The following HELZ2 variants were observed in gnomAD, a reference collection of about 807,000 sequenced individuals.
HELZ2 encodes helicase with zinc finger 2, also known as 3'-5' exoribonuclease HELZ2.
A neutral mutation model predicts 208.8 loss-of-function variants in HELZ2; 143 were observed. The ratio of observed to expected loss-of-function variants is 0.68; its 90% CI spans 0.60 to 0.79. The LOEUF (loss-of-function observed/expected upper bound fraction) is 0.79, where lower values mean the gene tolerates loss of function less well. Among genes scored for constraint, HELZ2 ranks in the 30% least tolerant of loss-of-function variants. The pLI, the probability that HELZ2 is intolerant of heterozygous loss-of-function variation, is 0.00. For synonymous variants in HELZ2, 1,705 were observed against 1,693.7 expected (o/e 1.01, Z -0.16); for missense variants, 3,690 against 3,794.5 (o/e 0.97, Z 0.72).
exon 17 of HELZ2, chr20:63,560,191 G>A (rs1351649532): frequency 1.9e-6 from 3 of 1,555,894 alleles, no homozygotes; most frequent in South Asian, 1.2e-5. Context: ...GGTGATGGAG[G>A]ACACGGCCAC....
upstream of HELZ2, chr20:63,572,566 G>A (rs1384838822): frequency 1.1e-5 from 7 of 635,536 alleles, no homozygotes; most frequent in East Asian, 2.9e-5. Flanking sequence ...GGCAGGCTCC[G>A]TGCTCAGGGC....
At chr20:63,558,705 A>G (rs1286661609), downstream of HELZ2, 1 of 151,942 alleles carries the variant, frequency 6.6e-6, no homozygotes, top group Non-Finnish European at 1.5e-5. Flanking sequence ...CGCCCAGCTA[A>G]TTTTGTATTT....
At chr20:63,559,104 C>T (rs1302434822), downstream of HELZ2, 6 of 935,354 alleles carry the variant, frequency 6.4e-6, no homozygotes, top group African/African-American at 3.4e-5. Context: ...CCTCCAAGTC[C>T]ACCCACTTCC....
exon 8 of HELZ2, chr20:63,562,873 C>A (rs1569030144): frequency 6.2e-7 from 1 of 1,606,026 alleles, no homozygotes; most frequent in Admixed American, 1.7e-5. Context: ...AGGCGCCCTG[C>A]AGCTGCCCCT....
chr20:63,562,964 G>A lies in HELZ2; in HGVS notation c.5858C>T (p.Ser1953Leu), dbSNP rs370334192. 61 of 1,591,408 alleles carry A rather than the reference G, an allele frequency of 3.8e-5. No homozygotes were observed. The East Asian group carries it at 4.6e-4, about 12-fold the overall frequency. ...ATTCTCGGCAACCGCGCCGGTGGCC[G>A]ACTCCAGGGCGCAGAATGGTTCCCA... The change falls in exon 8 of 19, where the codon TCG becomes TTG. Residue 1953 changes from serine to leucine, a missense_variant. Physicochemically the swap from Ser to Leu is moderately radical, Grantham distance 145. Transcript: ENST00000467148.
rs1277421278 is a variant in HELZ2 at position 63,561,915 on chromosome 20, T to G, written c.6599A>C (p.Gln2200Pro). The change falls in exon 11 of 19, where the codon CAG becomes CCG. Residue 2200 changes from glutamine (Q) to proline (P), a missense_variant. Around this residue, in one of 3 missense-constraint regions of HELZ2, gnomAD observed 2,564 missense variants for 2,580.5 expected, o/e 0.99. Transcript: ENST00000467148. ...CTCCCCACGGGGGGGGCCTCCGGGC[T>G]GCACCTGCTCCTGGTTTGATTTATG... 1.9e-6 allele frequency: 3 copies of G among 1,592,490 alleles called. No individual in the cohort carries two copies. The East Asian group carries it at 6.8e-5, about 36-fold the overall frequency.
Position 63,564,357 on chromosome 20 carries a change from C to T in HELZ2, c.4465G>A (p.Ala1489Thr), listed in dbSNP as rs187627701. Residue 1489 changes from alanine to threonine, a missense_variant, in exon 8 of 19, where the codon GCG becomes ACG. Around this residue, in one of 3 missense-constraint regions of HELZ2, gnomAD observed 2,564 missense variants for 2,580.5 expected, o/e 0.99. Transcript: ENST00000467148. ...CGCAGCAGCCGAGAGAAGTAGCACG[C>T]GGCCACGACGCAGGCGTCCACGGAG... 2,427 of 1,563,904 alleles carry T rather than the reference C, an allele frequency of 1.6e-3. 5 individuals carry two copies. The highest frequency in any genetic ancestry group is 1.9e-3 in the Non-Finnish European group (2,226 of 1,156,520).
At chr20:63,563,810 G>A in exon 8 of HELZ2, 1 of 1,601,180 alleles carries the variant, frequency 6.2e-7, no homozygotes, top group South Asian at 1.1e-5. Context: ...GGGCGAGGTG[G>A]CCCACGTGTA....
chr20:63,561,871 A>T, exon 11 of HELZ2: 1 of 1,571,290 alleles, frequency 6.4e-7, no homozygotes, highest in Admixed American at 1.9e-5. Context: ...TACAAGATGC[A>T]GGGACCCCCC....
At position 63,565,998 on chromosome 20, in the gene HELZ2, A is replaced by C. The variant is rs951229092; in HGVS notation, c.2824T>G (p.Cys942Gly). The C allele has an allele frequency of 1.9e-6, 3 of 1,598,182 alleles. No individual in the cohort carries two copies. The highest frequency in any genetic ancestry group is 1.3e-5 in the African/African-American group (1 of 74,862). The change falls in exon 8 of 19, where the codon TGC (cysteine) becomes GGC (glycine). Residue 942 changes from cysteine (C) to glycine (G), a missense_variant. By Grantham distance (159) the Cys-to-Gly change is radical. Around this residue, in one of 3 missense-constraint regions of HELZ2, gnomAD observed 2,564 missense variants for 2,580.5 expected, o/e 0.99. Transcript: ENST00000467148. ...TGCTCCATGGACAGGCCCTCGGGGC[A>C]GACACTGTGCCGCTCCACGCACTCA...
In HELZ2 at chr20:63,564,301, A is replaced by C. The variant is rs2082923629; in HGVS notation, c.4521T>G (p.Tyr1507Ter). 3 of 1,606,290 alleles carry C rather than the reference A, an allele frequency of 1.9e-6. No individual in the cohort carries two copies. Among genetic ancestry groups the C allele is most frequent in the Non-Finnish European group, 2.5e-6 (3 of 1,177,522 alleles). Residue 1507 changes from tyrosine to a stop codon, truncating the protein, a stop_gained, in exon 8 of 19, where the codon TAT (tyrosine) becomes TAG (stop). Coordinates refer to ENST00000467148, the Ensembl canonical transcript of HELZ2. LOFTEE classifies it high-confidence loss of function. ...GGGTGCCGTCCTCGTCCGGCTGCTC[A>C]TAGAAGCAGTCGGACCGCAGGCGGT...
rs771532485 is a variant in HELZ2 at position 63,562,791 on chromosome 20, G to T, written c.6031C>A (p.Arg2011=). 1.2e-6 allele frequency: 2 copies of T among 1,609,160 alleles called. No homozygotes were observed. The highest frequency in any genetic ancestry group is 4.5e-5 in the East Asian group (2 of 44,596). ...GTGGGAGCCGGCAGCCCCTCGAGCC[G>T]GATGCAGAGGTAGCAGCAGCTGAAG... The change falls in exon 8 of 19, where the codon CGG becomes AGG. Residue 2011 remains arginine (R), a synonymous_variant. Coordinates refer to ENST00000467148, the Ensembl canonical transcript of HELZ2.
At chr20:63,562,325 G>A (rs780485853) in exon 9 of HELZ2, 46 of 1,598,076 alleles carry the variant, frequency 2.9e-5, no homozygotes, top group Admixed American at 2.4e-4. Context: ...GGCCCAGTGC[G>A]ATGCTGGTGA....
In HELZ2 at chr20:63,561,573, G is replaced by A. The variant is rs371237596; in HGVS notation, c.6836+28C>T. ...TGTCTGGACAGCTCGGCCCCACTCC[G>A]CCCAAGCCCCAAAGACAGCAGGCAC... On this transcript the variant is annotated intron_variant, in intron 12 of 18. Transcript: ENST00000467148. The A allele has an allele frequency of 2.1e-5, 34 of 1,586,406 alleles. 1 individual carries two copies. The African/African-American group carries it at 2.9e-4, about 14-fold the overall frequency.
At chr20:63,561,184 G>T (rs140401204) in exon 14 of HELZ2, 13 of 1,612,946 alleles carry the variant, frequency 8.1e-6, no homozygotes, top group Non-Finnish European at 1.0e-5. Context: ...GGATTTTGAG[G>T]CTGGCAGAGG....
intron 7 of HELZ2, 21 bp downstream of exon 8, chr20:63,566,357 C>T: frequency 6.5e-7 from 1 of 1,546,106 alleles, no homozygotes; most frequent in Non-Finnish European, 8.7e-7. Flanking sequence ...CTGGCAGCAC[C>T]TGGCCCCGCT....
chr20:63,566,279 G>A (rs1448706146), intron 7 of HELZ2, 48 bp from the exon 9 acceptor site: 2 of 1,494,058 alleles, frequency 1.3e-6, no homozygotes, highest in Non-Finnish European at 9.0e-7. Context: ...AAGACGGTGG[G>A]ACCAGCCCCA....
chr20:63,558,190 G>A (rs2082835206), downstream of HELZ2: 1 of 152,522 alleles, frequency 6.6e-6, no homozygotes, highest in Non-Finnish European at 1.5e-5. Flanking sequence ...CCCTCCCTCA[G>A]GACTGGAGGC....
chr20:63,573,718 C>G (rs531528136), upstream of HELZ2, among the ~76,000 whole-genome samples: 1 of 152,122 alleles, frequency 6.6e-6, no homozygotes, highest in South Asian at 2.1e-4. The surrounding 1 kb of genome is among the most constrained non-coding windows in gnomAD (Gnocchi z 4.9). Context: ...AGGGGCCTCA[C>G]GGAGAGGAGG....
Sources: allele counts gnomAD v4.1 joint callset (sites outside exome capture counted in the v4.1 genomes callset), GRCh38; gene constraint gnomAD v4.1.1; regional missense constraint gnomAD v4.1.1; non-coding constraint Gnocchi (gnomAD v3.1); transcripts MANE v1.5; gene names NCBI Gene and HGNC (gene_info 2026-07-23, HGNC 2026-07-21).